Variants in SLC25A17 observed in about 807,000 individuals in gnomAD.
The protein encoded by SLC25A17 is solute carrier family 25 member 17, also known as peroxisomal membrane protein PMP34.
A neutral mutation model predicts 38.5 loss-of-function variants in SLC25A17; 26 were observed. That is an observed-to-expected ratio of 0.68 (90% CI 0.50 to 0.94). SLC25A17 has a LOEUF of 0.94. SLC25A17 is among the 40% of genes least tolerant of loss of function. SLC25A17 has a pLI of 0.00. For synonymous variants in SLC25A17, 139 were observed against 136.2 expected (o/e 1.02, Z -0.14); for missense variants, 333 against 372.7 (o/e 0.89, Z 0.88).
At chr22:40,784,168 C>T (rs971890906) in intron 4 of SLC25A17, among the ~76,000 whole-genome samples, 5 of 152,062 alleles carry the variant, frequency 3.3e-5, no homozygotes, top group African/African-American at 7.2e-5. Context: ...TTTTTATTTA[C>T]TGCCATATCC....
intron 8 of SLC25A17, among the ~76,000 whole-genome samples, chr22:40,772,854 G>C (rs1319863830): frequency 1.3e-5 from 2 of 152,152 alleles, no homozygotes; most frequent in South Asian, 4.1e-4. Context: ...GCCCAGGCTG[G>C]TCTTGAACTC....
intron 1 of SLC25A17, chr22:40,813,969 G>C (rs2057609269): frequency 6.6e-6 from 1 of 152,382 alleles, no homozygotes; most frequent in African/African-American, 2.4e-5. Context: ...AAAGGTAGAA[G>C]GGTCAACAGT....
At chr22:40,790,271 G>A (rs962663842) in intron 4 of SLC25A17, among the ~76,000 whole-genome samples, 16 of 150,254 alleles carry the variant, frequency 1.1e-4, no homozygotes, top group Admixed American at 9.3e-4. Flanking sequence ...AACCCAGGAG[G>A]TGGAGGTTGC....
At chr22:40,798,589 G>A (rs183408407) in intron 2 of SLC25A17, among the ~76,000 whole-genome samples, 1 of 136,358 alleles carries the variant, frequency 7.3e-6, no homozygotes, top group African/African-American at 2.7e-5. Context: ...CAGCTGAAAA[G>A]TTTATTTTCT....
chr22:40,801,171 A>ATTT (rs1465524572), intron 1 of SLC25A17, among the ~76,000 whole-genome samples: 1 of 140,734 alleles, frequency 7.1e-6, no homozygotes, highest in African/African-American at 2.6e-5. Context: ...ATATATATGT[A>ATTT]AATGATAAAT....
intron 1 of SLC25A17, among the ~76,000 whole-genome samples, chr22:40,811,596 A>G (rs1844605715): frequency 6.6e-6 from 1 of 152,062 alleles, no homozygotes; most frequent in Non-Finnish European, 1.5e-5. Context: ...CAGTGCTGGC[A>G]TCTGCTTCTG....
intron 1 of SLC25A17, among the ~76,000 whole-genome samples, chr22:40,801,128 CATATATATATATATATATATATATATAT>C (rs60780380): frequency 0.042 from 4,219 of 101,252 alleles, 285 homozygotes; most frequent in African/African-American, 0.15. Context: ...AAATATATTA[CATATATATATATATATATATATATATAT>C]ATATATATAT....
intron 4 of SLC25A17, among the ~76,000 whole-genome samples, chr22:40,785,443 G>A (rs1158364117): frequency 2.0e-5 from 3 of 152,248 alleles, no homozygotes; most frequent in African/African-American, 7.2e-5. Flanking sequence ...TCATTTAACA[G>A]TGGCCATTTG....
intron 7 of SLC25A17, 31 bp downstream of exon 7, chr22:40,777,009 G>C: frequency 6.4e-7 from 1 of 1,567,946 alleles, no homozygotes; most frequent in Non-Finnish European, 8.8e-7. Flanking sequence ...AATGCTGTTT[G>C]ACTAAATGCG....
At chr22:40,788,199 T>TA (rs2057355077) in intron 4 of SLC25A17, among the ~76,000 whole-genome samples, 1 of 152,266 alleles carries the variant, frequency 6.6e-6, no homozygotes, top group Admixed American at 6.5e-5. Flanking sequence ...ACGCATGTAA[T>TA]ACCTTCCTAG....
At chr22:40,777,418 C>A in intron 5 of SLC25A17, 45 bp from the exon 6 acceptor site, 2 of 1,580,456 alleles carry the variant, frequency 1.3e-6, no homozygotes, top group Non-Finnish European at 8.6e-7. Context: ...ATCACAATCC[C>A]CCAACTAGAG....
At chr22:40,799,154 C>T in intron 1 of SLC25A17, 71 bp from the exon 2 acceptor site, 1 of 1,166,232 alleles carries the variant, frequency 8.6e-7, no homozygotes, top group Non-Finnish European at 1.3e-6. Flanking sequence ...TTTTTTGAGA[C>T]AGGATCTTGC....
chr22:40,811,229 A>G (rs1446006404), intron 1 of SLC25A17, among the ~76,000 whole-genome samples: 2 of 149,766 alleles, frequency 1.3e-5, no homozygotes, highest in African/African-American at 5.0e-5. Flanking sequence ...TCCCATGATT[A>G]TCATGTATTA....
rs141893398 is a variant in SLC25A17 at position 40,801,812 on chromosome 22, C to T, written c.55-2729G>A. ...TTTCTTTTCTTTTCTTTTTTTAAGA[C>T]GGAGTCTTGCTCTTGTTGCCCAGAC... On this transcript the variant is annotated intron_variant, in intron 1 of 8. Transcript: ENST00000435456. Among the ~76,000 whole-genome samples, 19 of 152,132 alleles carry T rather than the reference C, an allele frequency of 1.2e-4. No homozygotes were observed. The East Asian group carries it at 2.3e-3, about 19-fold the overall frequency.
intron 1 of SLC25A17, among the ~76,000 whole-genome samples, chr22:40,816,853 C>T (rs1321113215): frequency 2.0e-5 from 3 of 152,104 alleles, no homozygotes; most frequent in South Asian, 2.1e-4. Flanking sequence ...TCAGGCGATC[C>T]GCCTGCCTCA....
chr22:40,812,158 G>A (rs2057588647), intron 1 of SLC25A17, among the ~76,000 whole-genome samples: 2 of 151,980 alleles, frequency 1.3e-5, no homozygotes, highest in African/African-American at 4.8e-5. Context: ...GCCTCTCAAA[G>A]TGCTATGATT....
chr22:40,789,929 C>T lies in SLC25A17; in HGVS notation c.334+2596G>A, dbSNP rs1478458092. Among the ~76,000 whole-genome samples the T allele has an allele frequency of 6.6e-6, 1 of 151,954 alleles. No individual in the cohort carries two copies. Among genetic ancestry groups the T allele is most frequent in the Admixed American group, 6.6e-5 (1 of 15,266 alleles). On this transcript the variant is annotated intron_variant, in intron 4 of 8. Transcript: ENST00000435456. The surrounding 1 kb of genome is among the most constrained non-coding windows in gnomAD (Gnocchi z 4.5). Reference sequence around the variant, plus strand: ...CTGCTGGGATTACAGGGGTGAGCCACCACACCTGGCCTTGGACCATTTTCT... The same window carrying T: ...CTGCTGGGATTACAGGGGTGAGCCATCACACCTGGCCTTGGACCATTTTCT...
Position 40,769,991 on chromosome 22 carries a change from A to AT in SLC25A17, c.*842dup, listed in dbSNP as rs1488213399. The AT allele has an allele frequency of 1.3e-5, 2 of 152,182 alleles. No individual in the cohort carries two copies. Among genetic ancestry groups the AT allele is most frequent in the Admixed American group, 1.3e-4 (2 of 15,264 alleles). 9.4% of individuals were successfully genotyped at this position (152,182 alleles called of 1,614,324 possible). Reference sequence around the variant, plus strand: ...GAGATAATATCCAGACCTCAACAAGATATCTGCTCCCCTTCTCATTTTTGT... The same window carrying AT: ...GAGATAATATCCAGACCTCAACAAGATTATCTGCTCCCCTTCTCATTTTTGT... On this transcript the variant is annotated 3_prime_UTR_variant, in exon 9 of 9. Transcript: ENST00000435456.
chr22:40,785,023 G>A (rs1337882984), intron 4 of SLC25A17, among the ~76,000 whole-genome samples: 1 of 152,122 alleles, frequency 6.6e-6, no homozygotes, highest in African/African-American at 2.4e-5. Context: ...CCATGTGACA[G>A]CTCCAGAGTC....
Sources: gnomAD v4.1 joint callset for allele counts (sites outside exome capture counted in the v4.1 genomes callset) on GRCh38, gnomAD v4.1.1 for gene constraint, Gnocchi (gnomAD v3.1) non-coding constraint, MANE v1.5 for transcripts, NCBI Gene and HGNC (gene_info 2026-07-23, HGNC 2026-07-21) for gene names.